IQCM: variants seen among roughly 807,000 people sequenced by gnomAD.
The protein encoded by IQCM is IQ motif containing M.
A neutral mutation model predicts 57.6 loss-of-function variants in IQCM; 45 were observed. That is an observed-to-expected ratio of 0.78 (90% CI 0.62 to 1.00). The LOEUF is 1.00. Ranked by LOEUF, IQCM falls within the 50% of genes least tolerant of loss-of-function variation. IQCM has a pLI of 0.00. For synonymous variants in IQCM, 148 were observed against 158.9 expected, an observed-to-expected ratio of 0.93 and a Z score of 0.51; for missense variants, 468 against 511.6, an observed-to-expected ratio of 0.91 and a Z score of 0.82.
At chr4:149,670,790 C>T (rs750598031) in intron 7 of IQCM, among the ~76,000 whole-genome samples, 78 of 152,150 alleles carry the variant, frequency 5.1e-4, no homozygotes, top group Admixed American at 1.2e-3. Context: ...TATTGATTTG[C>T]GTATGTTGAA....
At chr4:149,354,378 A>AAAAAAAAAAAC (rs1728801708) in intron 13 of IQCM, among the ~76,000 whole-genome samples, 1 of 142,202 alleles carries the variant, frequency 7.0e-6, no homozygotes, top group Non-Finnish European at 1.5e-5. Flanking sequence ...AAAAAAAAAA[A>AAAAAAAAAAAC]AAAAAAAAAA....
chr4:149,566,094 G>C (rs1750606044), intron 9 of IQCM, among the ~76,000 whole-genome samples: 1 of 152,190 alleles, frequency 6.6e-6, no homozygotes, highest in African/African-American at 2.4e-5. Context: ...TGCCTTCTAA[G>C]AGGATTTTTG....
intron 12 of IQCM, among the ~76,000 whole-genome samples, chr4:149,492,413 AACTG>A (rs200940761): frequency 0.029 from 4,451 of 152,188 alleles, 180 homozygotes; most frequent in African/African-American, 0.099. Context: ...AAACACGTCT[AACTG>A]ACTGTTGGAC....
chr4:149,620,086 G>C (rs535272488), intron 8 of IQCM, among the ~76,000 whole-genome samples: 6 of 152,262 alleles, frequency 3.9e-5, no homozygotes, highest in African/African-American at 1.4e-4. Context: ...AAACCCGGCA[G>C]GTGGAGGTTG....
chr4:149,560,292 G>C (rs1343809198), intron 10 of IQCM, among the ~76,000 whole-genome samples: 3 of 151,948 alleles, frequency 2.0e-5, no homozygotes, highest in Non-Finnish European at 4.4e-5. Context: ...GATTCTCCAG[G>C]GCTGTTCCAA....
intron 12 of IQCM, among the ~76,000 whole-genome samples, chr4:149,438,962 G>A (rs910989283): frequency 6.6e-6 from 1 of 151,866 alleles, no homozygotes; most frequent in Non-Finnish European, 1.5e-5. Flanking sequence ...CCTTGACTAA[G>A]AGTAAATAAT....
intron 12 of IQCM, among the ~76,000 whole-genome samples, chr4:149,533,697 A>C (rs1746984888): frequency 6.6e-6 from 1 of 152,054 alleles, no homozygotes; most frequent in Non-Finnish European, 1.5e-5. Context: ...CCCCTTATAC[A>C]GTCATAAGCT....
intron 2 of IQCM, among the ~76,000 whole-genome samples, chr4:149,770,129 A>G (rs1037766890): frequency 4.6e-5 from 7 of 152,102 alleles, no homozygotes. Context: ...GACACAATAA[A>G]AAAAGGGGGC....
intron 12 of IQCM, among the ~76,000 whole-genome samples, chr4:149,436,356 A>G (rs186875293): frequency 1.3e-5 from 2 of 152,264 alleles, no homozygotes; most frequent in East Asian, 3.9e-4. Context: ...CCACTAGCTT[A>G]TCCTGATTGA....
At chr4:149,469,890 G>C (rs1579166967) in intron 12 of IQCM, among the ~76,000 whole-genome samples, 3 of 152,132 alleles carry the variant, frequency 2.0e-5, no homozygotes, top group African/African-American at 7.2e-5. Context: ...ATAAGTGAAG[G>C]AGAAATAAAA....
intron 2 of IQCM, among the ~76,000 whole-genome samples, chr4:149,807,977 A>G (rs1195440736): frequency 6.6e-6 from 1 of 152,152 alleles, no homozygotes; most frequent in Non-Finnish European, 1.5e-5. Flanking sequence ...TAGGAAAGTA[A>G]ATTAGTATAG....
chr4:149,801,204 A>C (rs1377327064), intron 2 of IQCM, among the ~76,000 whole-genome samples: 1 of 151,962 alleles, frequency 6.6e-6, no homozygotes, highest in East Asian at 1.9e-4. Flanking sequence ...CACCCCAACA[A>C]ATATGGCTTA....
chr4:149,578,372 T>A (rs569106111), intron 9 of IQCM, among the ~76,000 whole-genome samples: 1 of 151,756 alleles, frequency 6.6e-6, no homozygotes, highest in African/African-American at 2.4e-5. Context: ...CTGAAAAATA[T>A]TACCATTGAG....
At chr4:149,650,589 C>A (rs1759082351) in intron 7 of IQCM, among the ~76,000 whole-genome samples, 1 of 151,954 alleles carries the variant, frequency 6.6e-6, no homozygotes, top group South Asian at 2.1e-4. Context: ...AGGGTTTCAC[C>A]ATGTTTGCCA....
chr4:149,631,561 G>GA (rs958618117), intron 7 of IQCM, among the ~76,000 whole-genome samples: 10 of 151,712 alleles, frequency 6.6e-5, no homozygotes, highest in Admixed American at 5.2e-4. Flanking sequence ...TGTATTGTAA[G>GA]AAAAAAAATC....
At chr4:149,462,249 T>C (rs1030722817) in intron 12 of IQCM, among the ~76,000 whole-genome samples, 1 of 152,128 alleles carries the variant, frequency 6.6e-6, no homozygotes, top group East Asian at 1.9e-4. Context: ...CACCGCACAC[T>C]CAGTGGAAAG....
At position 149,534,295 on chromosome 4, in the gene IQCM, T is replaced by A. The variant is rs925686228; in HGVS notation, c.1228+14160A>T. Among the ~76,000 whole-genome samples, 16 of 152,302 alleles carry A rather than the reference T, an allele frequency of 1.1e-4. No individual in the cohort carries two copies. In the South Asian group the frequency reaches 3.1e-3, roughly 30 times the overall value. ...GTAGGTGTACATTCAATTTTGTGCCTTTTTTGATTAGTATTATGAATTAAA... is the reference window on the plus strand; with the variant it reads ...GTAGGTGTACATTCAATTTTGTGCCATTTTTGATTAGTATTATGAATTAAA... On this transcript the variant is annotated intron_variant, in intron 12 of 13. Coordinates refer to ENST00000636793, the MANE Select transcript of IQCM (RefSeq NM_001363507.2).
At chr4:149,735,030 T>C (rs958328280) in intron 4 of IQCM, among the ~76,000 whole-genome samples, 8 of 152,158 alleles carry the variant, frequency 5.3e-5, no homozygotes, top group Admixed American at 2.0e-4. Context: ...CATCTCACAA[T>C]TTATTTTCTA....
intron 12 of IQCM, among the ~76,000 whole-genome samples, chr4:149,455,481 A>G (rs1737597652): frequency 6.6e-6 from 1 of 151,928 alleles, no homozygotes; most frequent in African/African-American, 2.4e-5. Flanking sequence ...TAAACTTTAA[A>G]CCCCATGAAG....
Sources: allele counts gnomAD v4.1 joint callset (sites outside exome capture counted in the v4.1 genomes callset), GRCh38; gene constraint gnomAD v4.1.1; transcripts MANE v1.5; gene names NCBI Gene and HGNC (gene_info 2026-07-23, HGNC 2026-07-21).